DNAAF8: variants seen among roughly 807,000 people sequenced by gnomAD.
DNAAF8 encodes the protein dynein axonemal-associated protein 1.
DNAAF8 carries 61 observed loss-of-function variants against 54.6 expected under a neutral mutation model. The ratio of observed to expected loss-of-function variants is 1.12; its 90% CI spans 0.91 to 1.38. The LOEUF is 1.38. Ranked by LOEUF, DNAAF8 falls within the 40% of genes most tolerant of loss-of-function variation. The pLI is 0.00. For synonymous variants in DNAAF8, 320 were observed against 270.1 expected, an observed-to-expected ratio of 1.18 and a Z score of -1.81; for missense variants, 837 against 665.0, an observed-to-expected ratio of 1.26 and a Z score of -2.85.
intron 1 of DNAAF8, 54 bp downstream of exon 1, chr16:4,734,752 A>G (rs928429085): frequency 3.9e-5 from 6 of 152,222 alleles, no homozygotes; most frequent in African/African-American, 1.4e-4. Context: ...AACGCGGGGA[A>G]ATACGGGCTG....
In DNAAF8 at chr16:4,746,498, C is replaced by T. The variant is rs199639229; in HGVS notation, c.1167C>T (p.His389=). The T allele has an allele frequency of 3.1e-5, 50 of 1,613,532 alleles. No individual in the cohort carries two copies. The highest frequency in any genetic ancestry group is 6.7e-5 in the Admixed American group (4 of 59,978). Reference sequence around the variant, plus strand: ...TGCGGCAGATGGAGCTACCAGACCACCTGTCCCCAGAAAGGTCCGGAGGGC... The same window carrying T: ...TGCGGCAGATGGAGCTACCAGACCATCTGTCCCCAGAAAGGTCCGGAGGGC... ...IDLRQMELPD[H]LSPESSSHSS... The change falls in exon 7 of 10, where the codon CAC becomes CAT. Residue 389 remains histidine, a synonymous_variant. Coordinates refer to ENST00000299320, the MANE Select transcript of DNAAF8 (RefSeq NM_139170.3).
chr16:4,739,265 G>GTTTTTTTTTTTTTGTTTTTTTTTTTT (rs2081932035), intron 3 of DNAAF8, among the ~76,000 whole-genome samples: 1 of 69,030 alleles, frequency 1.4e-5, no homozygotes. Context: ...ATTTTTTCTT[G>GTTTTTTTTTTTTTGTTTTTTTTTTTT]TTTTTTTTTT....
intron 6 of DNAAF8, chr16:4,746,123 T>C: frequency 7.2e-6 from 3 of 415,590 alleles, no homozygotes; most frequent in African/African-American, 2.0e-5. Context: ...CTTAGCCACT[T>C]GTGCCAAGTG....
intron 7 of DNAAF8, 189 bp from the exon 8 acceptor site, chr16:4,746,738 A>C: frequency 2.6e-6 from 2 of 759,902 alleles, no homozygotes; most frequent in Middle Eastern, 3.7e-4. Flanking sequence ...AATAGAGCCC[A>C]ACACGTCTAG....
rs776229179 is a variant in DNAAF8 at position 4,747,432 on chromosome 16, C to T, written c.1370C>T (p.Pro457Leu). ...CCCGAGCTGCCTGCCAGCAAGGGGC[C>T]CGCGGGTGGGAGGGCTCAGGCCCCT... ...AQPELPASKGPAGGRAQAPED... is the reference protein window; with the variant it reads ...AQPELPASKGLAGGRAQAPED... Residue 457 changes from proline to leucine, a missense_variant, in exon 9 of 10, where the codon CCC becomes CTC. Physicochemically the swap from Pro to Leu is moderately conservative, Grantham distance 98 (BLOSUM62 -3). Coordinates refer to ENST00000299320, the MANE Select transcript of DNAAF8 (RefSeq NM_139170.3). The T allele has an allele frequency of 5.0e-6, 8 of 1,613,066 alleles. No homozygotes were observed. Among genetic ancestry groups the T allele is most frequent in the Admixed American group, 1.7e-5 (1 of 60,026 alleles).
chr16:4,742,111 C>G (rs1316049536), intron 4 of DNAAF8, among the ~76,000 whole-genome samples: 3 of 152,184 alleles, frequency 2.0e-5, no homozygotes, highest in Non-Finnish European at 2.9e-5. Flanking sequence ...TTTCCTCCCT[C>G]CTCCTCAGAC....
chr16:4,742,552 CAAAAAAAAAA>C (rs576508321), intron 4 of DNAAF8, among the ~76,000 whole-genome samples: 2 of 94,692 alleles, frequency 2.1e-5, no homozygotes, highest in African/African-American at 8.6e-5. Context: ...ACTAAAAATA[CAAAAAAAAAA>C]AAAAAAAAAA....
chr16:4,746,322 C>T (rs2082017091), intron 6 of DNAAF8, 53 bp from the exon 7 acceptor site: 2 of 1,557,268 alleles, frequency 1.3e-6, no homozygotes, highest in Non-Finnish European at 1.7e-6. Context: ...CAGCGCAGGT[C>T]ACAGAGTTAT....
intron 7 of DNAAF8, 106 bp from the exon 8 acceptor site, chr16:4,746,821 C>G: frequency 1.9e-6 from 2 of 1,078,940 alleles, no homozygotes; most frequent in Non-Finnish European, 1.3e-6. Flanking sequence ...TGGCTGCTGA[C>G]CTCTTGCATT....
chr16:4,740,160 T>C lies in DNAAF8; in HGVS notation c.284T>C (p.Leu95Pro). 6.2e-7 allele frequency: 1 copy of C among 1,604,630 alleles called. No homozygotes were observed. Among genetic ancestry groups the C allele is most frequent in the Non-Finnish European group, 8.5e-7 (1 of 1,173,622 alleles). ...AAEESLPEPV[L>P]VPAELATEPG... ...TACCTGTTTTCTTGACAGCCAGTTC[T>C]GGTGCCTGCAGAATTGGCCACAGAA... The change falls in exon 4 of 10, where the codon CTG becomes CCG. Residue 95 changes from leucine to proline, a missense_variant. Leu to Pro is a moderately conservative substitution (Grantham distance 98). Transcript: ENST00000299320.
intron 5 of DNAAF8, chr16:4,743,575 GGATGTC>G: frequency 6.2e-6 from 1 of 160,438 alleles, no homozygotes; most frequent in Non-Finnish European, 1.4e-5. Context: ...GGGAGGCAAA[GGATGTC>G]ACCACTGTCA....
chr16:4,745,092 G>A (rs745812052), intron 6 of DNAAF8, 81 bp downstream of exon 6: 9 of 1,500,708 alleles, frequency 6.0e-6, no homozygotes, highest in South Asian at 3.6e-5. Flanking sequence ...GGCCTACCAA[G>A]GGCGGGGCAC....
At position 4,746,941 on chromosome 16, in the gene DNAAF8, C is replaced by A; in HGVS notation, c.1196C>A (p.Ser399Tyr). 1 of 1,561,988 alleles carries A rather than the reference C, an allele frequency of 6.4e-7. No homozygotes were observed. The highest frequency in any genetic ancestry group is 1.2e-5 in the South Asian group (1 of 84,198). The change falls in exon 8 of 10, where the codon TCC (serine) becomes TAC (tyrosine). Residue 399 changes from serine to tyrosine, a missense_variant. Coordinates refer to ENST00000299320, the MANE Select transcript of DNAAF8 (RefSeq NM_139170.3). ...TCTCCCTGCAGCTCCAGCCACAGCT[C>A]CTCTGACAGTGAGGAGGAGGAGGAG... ...HLSPESSSHS[S>Y]SDSEEEEEEE...
chr16:4,746,602 AG>A, intron 7 of DNAAF8, 90 bp downstream of exon 7: 1 of 1,433,956 alleles, frequency 7.0e-7, no homozygotes, highest in Non-Finnish European at 9.5e-7. Flanking sequence ...CCTGATGGGG[AG>A]GAACAGGGAC....
chr16:4,748,181 A>T (rs1399974209), intron 9 of DNAAF8: 1 of 151,254 alleles, frequency 6.6e-6, no homozygotes, highest in Non-Finnish European at 1.5e-5. Context: ...GAGACGCAGC[A>T]GCTGGGACTA....
intron 5 of DNAAF8, 85 bp downstream of exon 5, chr16:4,743,245 G>C (rs1443350284): frequency 2.1e-6 from 2 of 956,544 alleles, no homozygotes; most frequent in African/African-American, 1.7e-5. Flanking sequence ...CTGCAGGCTG[G>C]TCACAGACAG....
intron 5 of DNAAF8, among the ~76,000 whole-genome samples, chr16:4,743,999 G>A (rs1313638657): frequency 1.4e-5 from 2 of 146,052 alleles, no homozygotes; most frequent in South Asian, 2.1e-4. Context: ...GCACGATCTC[G>A]GTTCACTGCA....
chr16:4,746,957 G>T lies in DNAAF8; in HGVS notation c.1212G>T (p.Glu404Asp). The change falls in exon 8 of 10, where the codon GAG (glutamate) becomes GAT (aspartate). Residue 404 changes from glutamate to aspartate, a missense_variant. Glu to Asp is a conservative substitution (Grantham distance 45). Transcript: ENST00000299320. ...GCCACAGCTCCTCTGACAGTGAGGA[G>T]GAGGAGGAGGAAGAGATGGCAGCTC... ...SSSHSSSDSEEEEEEEMAALG... is the reference protein window; with the variant it reads ...SSSHSSSDSEDEEEEEMAALG... 1.9e-6 allele frequency: 3 copies of T among 1,552,126 alleles called. No individual in the cohort carries two copies. Among genetic ancestry groups the T allele is most frequent in the Non-Finnish European group, 2.6e-6 (3 of 1,152,562 alleles).
In DNAAF8 at chr16:4,747,597, C is replaced by T. The variant is rs200704525; in HGVS notation, c.1535C>T (p.Ala512Val). 95 of 1,609,752 alleles carry T rather than the reference C, an allele frequency of 5.9e-5. No individual in the cohort carries two copies. In the African/African-American group the frequency reaches 1.2e-3, roughly 20 times the overall value. Residue 512 changes from alanine to valine, a missense_variant, in exon 9 of 10, where the codon GCC becomes GTC. Physicochemically the swap from Ala to Val is moderately conservative, Grantham distance 64. Transcript: ENST00000299320. Reference protein sequence around the residue: ...DVPEPGAAREALMPPLEQL With the variant: ...DVPEPGAAREVLMPPLEQL Reference sequence around the variant, plus strand: ...CCTGAGCCAGGGGCAGCCAGGGAGGCCCTGATGCCTCCTCTGGAGCAACTA... The same window carrying T: ...CCTGAGCCAGGGGCAGCCAGGGAGGTCCTGATGCCTCCTCTGGAGCAACTA...
Sources: gnomAD v4.1 joint callset for allele counts (sites outside exome capture counted in the v4.1 genomes callset) on GRCh38, gnomAD v4.1.1 for gene constraint, MANE v1.5 for transcripts, NCBI Gene and HGNC (gene_info 2026-07-23, HGNC 2026-07-21) for gene names.